The following ZNF521 variants were observed in gnomAD, a reference collection of about 807,000 sequenced individuals.
ZNF521 encodes the protein LYST-interacting protein 3.
Under a neutral mutation model 105.5 loss-of-function variants are expected in ZNF521, and 14 were observed. The observed-to-expected ratio is 0.13, with a 90% CI of 0.09 to 0.21. The LOEUF (loss-of-function observed/expected upper bound fraction) is 0.21, where lower values mean the gene tolerates loss of function less well. ZNF521 is among the 10% of genes least tolerant of loss of function. ZNF521 has a pLI of 1.00. For synonymous variants in ZNF521, 635 were observed against 606.0 expected, an observed-to-expected ratio of 1.05 and a Z score of -0.70; for missense variants, 1,233 against 1,629.7, an observed-to-expected ratio of 0.76 and a Z score of 4.19.
In ZNF521 at chr18:25,062,604, C is replaced by A; in HGVS notation, c.*108G>T. The A allele has an allele frequency of 4.3e-6, 6 of 1,401,368 alleles. No individual in the cohort carries two copies. The Admixed American group carries it at 6.5e-5, about 15-fold the overall frequency. 86.8% of individuals were successfully genotyped at this position (1,401,368 alleles called of 1,614,324 possible). Reference sequence around the variant, plus strand: ...ATAATACAAGTTTTATGGTACAATACAATGTTTCTGAATAATATACATTAA... The same window carrying A: ...ATAATACAAGTTTTATGGTACAATAAAATGTTTCTGAATAATATACATTAA... On this transcript the variant is annotated 3_prime_UTR_variant, in exon 8 of 8. Transcript: ENST00000361524.
At chr18:25,193,772 T>A (rs551910102) in intron 5 of ZNF521, among the ~76,000 whole-genome samples, 1 of 152,022 alleles carries the variant, frequency 6.6e-6, no homozygotes, top group African/African-American at 2.4e-5. Context: ...CATTGAAGGA[T>A]ATACTATTTA....
chr18:25,192,398 A>G (rs2035833409), intron 5 of ZNF521, among the ~76,000 whole-genome samples: 1 of 152,130 alleles, frequency 6.6e-6, no homozygotes, highest in Non-Finnish European at 1.5e-5. Flanking sequence ...CACATCCAGA[A>G]AGATGTGTGG....
At chr18:25,325,357 A>G (rs1913158491) in intron 2 of ZNF521, among the ~76,000 whole-genome samples, 2 of 152,162 alleles carry the variant, frequency 1.3e-5, no homozygotes, top group Non-Finnish European at 1.5e-5. Context: ...TAGTTTTTAT[A>G]AAGTCCTTTG....
chr18:25,283,763 T>C (rs999178068), intron 3 of ZNF521, among the ~76,000 whole-genome samples: 10 of 152,316 alleles, frequency 6.6e-5, no homozygotes, highest in South Asian at 6.2e-4. Flanking sequence ...CCCATCATCA[T>C]TGACGGGAGT....
intron 5 of ZNF521, among the ~76,000 whole-genome samples, chr18:25,106,776 G>A (rs2034082290): frequency 6.6e-6 from 1 of 151,906 alleles, no homozygotes; most frequent in Non-Finnish European, 1.5e-5. Flanking sequence ...TTTAACATAG[G>A]GTTTGAGCTT....
At chr18:25,271,037 C>A (rs921573087) in intron 3 of ZNF521, among the ~76,000 whole-genome samples, 1 of 152,188 alleles carries the variant, frequency 6.6e-6, no homozygotes, top group African/African-American at 2.4e-5. Context: ...ATCGTCTCAG[C>A]CCAAAATCTC....
intron 5 of ZNF521, among the ~76,000 whole-genome samples, chr18:25,117,874 T>C (rs550418105): frequency 4.6e-5 from 7 of 152,012 alleles, no homozygotes; most frequent in Non-Finnish European, 8.8e-5. Context: ...GATACAACTC[T>C]ACAGACTCAT....
intron 5 of ZNF521, among the ~76,000 whole-genome samples, chr18:25,095,016 C>G (rs2033823704): frequency 6.6e-6 from 1 of 152,004 alleles, no homozygotes; most frequent in Non-Finnish European, 1.5e-5. Flanking sequence ...TCTTCTAATT[C>G]CATATTTACC....
rs533209772 is a variant in ZNF521 at position 25,184,643 on chromosome 18, T to C, written c.3658+10517A>G. ...ACAATTGGAAGTGTGTGTGGTTGAA[T>C]AGCGTGGGACTGGCGTCACCGGCCA... On this transcript the variant is annotated intron_variant, in intron 5 of 7. Transcript: ENST00000361524. Among the ~76,000 whole-genome samples, 8 of 152,308 alleles carry C rather than the reference T, an allele frequency of 5.3e-5. No homozygotes were observed. In the East Asian group the frequency reaches 1.3e-3, roughly 26 times the overall value.
intron 5 of ZNF521, among the ~76,000 whole-genome samples, chr18:25,105,314 T>C (rs369312261): frequency 1.3e-5 from 2 of 152,310 alleles, no homozygotes; most frequent in African/African-American, 4.8e-5. Flanking sequence ...GTAATCACTA[T>C]GGCCTTAATT....
intron 3 of ZNF521, among the ~76,000 whole-genome samples, chr18:25,258,113 G>A (rs1185832523): frequency 6.6e-6 from 1 of 152,044 alleles, no homozygotes; most frequent in African/African-American, 2.4e-5. Flanking sequence ...TATTGATAAC[G>A]AGGCACTCTC....
intron 3 of ZNF521, among the ~76,000 whole-genome samples, chr18:25,238,865 G>A (rs1907110012): frequency 6.6e-6 from 1 of 152,130 alleles, no homozygotes; most frequent in Non-Finnish European, 1.5e-5. Context: ...CTGAACTTCT[G>A]AGGATGGGGC....
chr18:25,313,435 T>C (rs1353130161), intron 3 of ZNF521, among the ~76,000 whole-genome samples: 8 of 151,892 alleles, frequency 5.3e-5, no homozygotes, highest in African/African-American at 1.9e-4. Flanking sequence ...CCTTGTCACC[T>C]ACCATATGAA....
At chr18:25,246,614 ACCACCCT>A (rs1907743029) in intron 3 of ZNF521, among the ~76,000 whole-genome samples, 1 of 152,084 alleles carries the variant, frequency 6.6e-6, no homozygotes, top group African/African-American at 2.4e-5. Flanking sequence ...TCTTCTTTCC[ACCACCCT>A]CCACCCTCTC....
At chr18:25,329,085 T>C (rs1002644617) in intron 2 of ZNF521, among the ~76,000 whole-genome samples, 2 of 152,200 alleles carry the variant, frequency 1.3e-5, no homozygotes, top group East Asian at 3.9e-4. Context: ...TAACAGCCAG[T>C]TGATCAAGGC....
intron 5 of ZNF521, among the ~76,000 whole-genome samples, chr18:25,145,613 G>A (rs1045330617): frequency 2.0e-5 from 3 of 152,104 alleles, no homozygotes; most frequent in African/African-American, 7.2e-5. Context: ...CGAATGACCC[G>A]AGTGACAAAT....
chr18:25,268,228 G>A (rs4257284), intron 3 of ZNF521, among the ~76,000 whole-genome samples: 57,521 of 151,862 alleles, frequency 0.38, 11,610 homozygotes, highest in African/African-American at 0.51. Context: ...AGACAAGACT[G>A]AAGTAAGAAA....
At chr18:25,275,314 T>C (rs985600415) in intron 3 of ZNF521, among the ~76,000 whole-genome samples, 6 of 152,158 alleles carry the variant, frequency 3.9e-5, no homozygotes, top group African/African-American at 1.4e-4. Flanking sequence ...AATAGGAAGG[T>C]AAAGCCAAGG....
chr18:25,118,279 A>C (rs1476641281), intron 5 of ZNF521, among the ~76,000 whole-genome samples: 1 of 152,102 alleles, frequency 6.6e-6, no homozygotes. Flanking sequence ...GAACTGAACT[A>C]TAAAGAGTTC....
Sources: gnomAD v4.1 joint callset for allele counts (sites outside exome capture counted in the v4.1 genomes callset) on GRCh38, gnomAD v4.1.1 for gene constraint, MANE v1.5 for transcripts, NCBI Gene and HGNC (gene_info 2026-07-23, HGNC 2026-07-21) for gene names.